NRCAM: variants seen among roughly 807,000 people sequenced by gnomAD.
The protein encoded by NRCAM is neuronal cell adhesion molecule.
NRCAM carries 83 observed loss-of-function variants against 156.5 expected under a neutral mutation model. The ratio of observed to expected loss-of-function variants is 0.53; its 90% CI spans 0.44 to 0.64. The LOEUF is 0.64. Ranked by LOEUF, NRCAM falls within the 30% of genes least tolerant of loss-of-function variation. The pLI, the probability that NRCAM is intolerant of heterozygous loss-of-function variation, is 0.00. For missense variants in NRCAM, 1,417 were observed against 1,597.3 expected, an observed-to-expected ratio of 0.89 and a Z score of 1.92; for synonymous variants, 538 against 563.9, an observed-to-expected ratio of 0.95 and a Z score of 0.65.
intron 3 of NRCAM, among the ~76,000 whole-genome samples, chr7:108,308,869 C>T (rs1477707523): frequency 1.3e-5 from 2 of 152,180 alleles, no homozygotes; most frequent in African/African-American, 4.8e-5. Flanking sequence ...AAATGAGATG[C>T]CTAATCAATA....
chr7:108,292,332 T>C (rs1005877455), intron 3 of NRCAM, among the ~76,000 whole-genome samples: 2 of 152,206 alleles, frequency 1.3e-5, no homozygotes, highest in African/African-American at 4.8e-5. Context: ...GGTCCTTTTA[T>C]GTAGCACATT....
chr7:108,184,298 G>A lies in NRCAM; in HGVS notation c.2247C>T (p.Asn749=). The A allele has an allele frequency of 6.2e-7, 1 of 1,614,122 alleles. No homozygotes were observed. Among genetic ancestry groups the A allele is most frequent in the Non-Finnish European group, 8.5e-7 (1 of 1,180,002 alleles). Residue 749 remains asparagine (N), a synonymous_variant, in exon 22 of 33, where the codon AAC becomes AAT. Transcript: ENST00000379028. ...ATCCCAGTCCTTCCACAGCTGTGGG[G>A]TTTTTATCTGGTTCTGGAAGTTAAG... ...YLTKASEPDK[N]PTAVEGLGSE...
rs1489272565 is a variant in NRCAM, at chr7:108,389,855, C to T, written c.-174+9581G>A. On this transcript the variant is annotated intron_variant, in intron 2 of 32. Transcript: ENST00000379028. ...TTGGTTCTGTTTATATGCTGGATTACGTTTATTGATTTGTGTATGTTGAAT... is the reference window on the plus strand; with the variant it reads ...TTGGTTCTGTTTATATGCTGGATTATGTTTATTGATTTGTGTATGTTGAAT... Among the ~76,000 whole-genome samples the T allele has an allele frequency of 8.5e-5, 13 of 152,186 alleles. No individual in the cohort carries two copies. In the East Asian group the frequency reaches 1.7e-3, roughly 20 times the overall value.
intron 2 of NRCAM, among the ~76,000 whole-genome samples, chr7:108,390,452 T>A (rs1205177431): frequency 6.6e-6 from 1 of 152,162 alleles, no homozygotes; most frequent in Admixed American, 6.5e-5. Context: ...ATCTATTTGA[T>A]TCTTCTCTCT....
intron 1 of NRCAM, among the ~76,000 whole-genome samples, chr7:108,455,174 G>A (rs1855380024): frequency 1.3e-5 from 2 of 152,110 alleles, no homozygotes; most frequent in African/African-American, 4.8e-5. Context: ...GAGAAATGAC[G>A]ACTCCCTTGC....
intron 1 of NRCAM, among the ~76,000 whole-genome samples, chr7:108,448,052 C>T (rs1306024875): frequency 6.6e-6 from 1 of 152,198 alleles, no homozygotes; most frequent in African/African-American, 2.4e-5. Flanking sequence ...GAACCCTTGA[C>T]ATCTATTTAC....
intron 20 of NRCAM, among the ~76,000 whole-genome samples, chr7:108,185,999 G>C (rs1563323278): frequency 6.6e-6 from 1 of 152,188 alleles, no homozygotes; most frequent in Admixed American, 6.5e-5. Context: ...GCGGGAGGAA[G>C]ACATATTTTT....
At chr7:108,302,855 A>T (rs917755934) in intron 3 of NRCAM, among the ~76,000 whole-genome samples, 3 of 152,236 alleles carry the variant, frequency 2.0e-5, no homozygotes, top group African/African-American at 7.2e-5. Flanking sequence ...ACTGAATATA[A>T]TTCAAACTCA....
At chr7:108,406,645 G>A (rs1563665700) in intron 1 of NRCAM, among the ~76,000 whole-genome samples, 1 of 152,158 alleles carries the variant, frequency 6.6e-6, no homozygotes. Flanking sequence ...AAAACAGCTG[G>A]AGTCAGTCAA....
At chr7:108,227,787 G>C (rs1461573626) in intron 8 of NRCAM, among the ~76,000 whole-genome samples, 1 of 152,162 alleles carries the variant, frequency 6.6e-6, no homozygotes, top group Non-Finnish European at 1.5e-5. Flanking sequence ...TGCAGTGTAA[G>C]TCAAGCAGGT....
intron 2 of NRCAM, among the ~76,000 whole-genome samples, chr7:108,320,940 G>A (rs953360125): frequency 6.6e-6 from 1 of 152,224 alleles, no homozygotes; most frequent in Non-Finnish European, 1.5e-5. Context: ...GTAGATGACA[G>A]ACATTTCTGT....
intron 2 of NRCAM, among the ~76,000 whole-genome samples, chr7:108,320,852 T>A (rs1035734448): frequency 4.6e-5 from 7 of 152,214 alleles, no homozygotes; most frequent in African/African-American, 1.7e-4. Flanking sequence ...AAAATATATA[T>A]GGTAATAAGA....
intron 3 of NRCAM, among the ~76,000 whole-genome samples, chr7:108,268,616 G>T (rs2097195884): frequency 8.3e-6 from 1 of 120,602 alleles, no homozygotes; most frequent in Non-Finnish European, 1.7e-5. Context: ...AGCGGGGCGG[G>T]GGTGGGGGTG....
At chr7:108,359,227 G>A (rs1211348850) in intron 2 of NRCAM, among the ~76,000 whole-genome samples, 1 of 152,160 alleles carries the variant, frequency 6.6e-6, no homozygotes, top group Admixed American at 6.5e-5. Flanking sequence ...CAGAAATGAA[G>A]CAGATGTAAG....
intron 2 of NRCAM, among the ~76,000 whole-genome samples, chr7:108,388,314 G>A (rs2099748020): frequency 2.0e-5 from 3 of 152,300 alleles, no homozygotes; most frequent in South Asian, 2.1e-4. Flanking sequence ...GGCCAGTGAT[G>A]ATGAGCATTT....
chr7:108,342,167 T>G (rs1253245270), intron 2 of NRCAM, among the ~76,000 whole-genome samples: 1 of 152,212 alleles, frequency 6.6e-6, no homozygotes, highest in Non-Finnish European at 1.5e-5. Context: ...TGTCCTTCAG[T>G]AAGTGAATGA....
intron 2 of NRCAM, among the ~76,000 whole-genome samples, chr7:108,394,383 T>C (rs188543802): frequency 4.6e-5 from 7 of 152,272 alleles, no homozygotes; most frequent in Non-Finnish European, 7.4e-5. Context: ...AGTTACAGAT[T>C]ATATCATTTT....
chr7:108,378,436 G>C (rs1411461493), intron 2 of NRCAM, among the ~76,000 whole-genome samples: 3 of 151,854 alleles, frequency 2.0e-5, no homozygotes, highest in African/African-American at 7.3e-5. Context: ...AAAAGAGAGA[G>C]AAATACATTT....
At chr7:108,334,151 G>C (rs1181034381) in intron 2 of NRCAM, among the ~76,000 whole-genome samples, 1 of 152,098 alleles carries the variant, frequency 6.6e-6, no homozygotes, top group Non-Finnish European at 1.5e-5. Context: ...TTAAAAAATA[G>C]AAGTAGAAAC....
Sources: gnomAD v4.1 joint callset for allele counts (sites outside exome capture counted in the v4.1 genomes callset) on GRCh38, gnomAD v4.1.1 for gene constraint, MANE v1.5 for transcripts, NCBI Gene and HGNC (gene_info 2026-07-23, HGNC 2026-07-21) for gene names.